The following UBE2O variants were observed in gnomAD, a reference collection of about 807,000 sequenced individuals.
The protein encoded by UBE2O is ubiquitin conjugating enzyme E2 O, also known as (E3-independent) E2 ubiquitin-conjugating enzyme.
A neutral mutation model predicts 125.8 loss-of-function variants in UBE2O; 15 were observed. That is an observed-to-expected ratio of 0.12 (90% CI 0.08 to 0.18). The LOEUF is 0.18. Among genes scored for constraint, UBE2O ranks in the 10% least tolerant of loss-of-function variants. The probability of loss-of-function intolerance (pLI) is 1.00; values close to 1 mark genes in which losing one functional copy is unlikely to be tolerated. For missense variants in UBE2O, 1,280 were observed against 1,723.6 expected (o/e 0.74, Z 4.56); for synonymous variants, 708 against 703.2 (o/e 1.01, Z -0.11).
At chr17:76,415,934 CGT>C (rs1358007226) in intron 1 of UBE2O, among the ~76,000 whole-genome samples, 1 of 131,270 alleles carries the variant, frequency 7.6e-6, no homozygotes, top group Non-Finnish European at 1.8e-5. Context: ...CACGTATATA[CGT>C]ATGCGTATAC....
Position 76,401,866 on chromosome 17 carries a change from T to C in UBE2O, c.750+198A>G, listed in dbSNP as rs1341258840. On this transcript the variant is annotated intron_variant, in intron 5 of 17. Coordinates refer to ENST00000319380, the MANE Select transcript of UBE2O (RefSeq NM_022066.4). ...ACTCCAGCCTGGGCGACAGTGAGAC[T>C]CTGTCTCAAAAAAAAAAAAAAAAAA... 1.1e-4 allele frequency: 45 copies of C among 419,630 alleles called. 1 individual carries two copies. The highest frequency in any genetic ancestry group is 1.8e-4 in the Admixed American group (4 of 22,058). 26.0% of individuals were successfully genotyped at this position (419,630 alleles called of 1,614,324 possible). A position where few individuals can be genotyped will look rare whatever the true frequency, so the allele number is the denominator to read the frequency against.
intron 1 of UBE2O, among the ~76,000 whole-genome samples, chr17:76,449,870 A>G (rs1352511405): frequency 6.6e-6 from 1 of 152,132 alleles, no homozygotes; most frequent in African/African-American, 2.4e-5. Flanking sequence ...CGGTGAGCCG[A>G]GCTGGCGCCA....
At chr17:76,449,506 T>C (rs886632569) in intron 1 of UBE2O, among the ~76,000 whole-genome samples, 7 of 150,262 alleles carry the variant, frequency 4.7e-5, no homozygotes, top group African/African-American at 1.2e-4. Context: ...ACCCGGGAAG[T>C]TGAGGTTGTA....
Position 76,404,787 on chromosome 17 carries a change from A to G in UBE2O, c.588+419T>C, listed in dbSNP as rs1469647720. Among the ~76,000 whole-genome samples the G allele has an allele frequency of 6.6e-6, 1 of 152,040 alleles. No individual in the cohort carries two copies. The highest frequency in any genetic ancestry group is 1.9e-4 in the East Asian group (1 of 5,194). On this transcript the variant is annotated intron_variant, in intron 3 of 17. Transcript: ENST00000319380. This position sits in a 1 kb window ranked among gnomAD's most constrained non-coding sequence, Gnocchi z 4.3. ...AGACCGGAGGGGGATCTCGGGGAAA[A>G]GGAGGGAGGGAAGGTGATGGAGCAA... is the stretch of plus-strand genomic sequence containing the variant.
intron 15 of UBE2O, among the ~76,000 whole-genome samples, chr17:76,394,599 T>G (rs1415612955): frequency 6.6e-6 from 1 of 152,196 alleles, no homozygotes; most frequent in Non-Finnish European, 1.5e-5. Flanking sequence ...CAAAATATTA[T>G]GTACTTATGG....
intron 1 of UBE2O, among the ~76,000 whole-genome samples, chr17:76,434,176 G>A (rs978252315): frequency 6.6e-6 from 1 of 152,146 alleles, no homozygotes; most frequent in African/African-American, 2.4e-5. Context: ...GGGCTCCAGC[G>A]AAATGACCCC....
In UBE2O at chr17:76,452,896, G is replaced by A. The variant is rs2073280879; in HGVS notation, c.246C>T (p.Ile82=). The change falls in exon 1 of 18, where the codon ATC becomes ATT. Residue 82 remains isoleucine (I), a synonymous_variant. Transcript: ENST00000319380. The surrounding 1 kb of genome is among the most constrained non-coding windows in gnomAD (Gnocchi z 4.4). ...GSVHFGLVRL[I]HGEDSDSEGE... is the part of the protein sequence containing the mutation. ...CCTCCGAGTCCGAGTCCTCGCCGTG[G>A]ATGAGGCGCACCAGCCCGAAGTGCA... 3 of 1,497,924 alleles carry A rather than the reference G, an allele frequency of 2.0e-6. No homozygotes were observed. Among genetic ancestry groups the A allele is most frequent in the Non-Finnish European group, 2.7e-6 (3 of 1,122,798 alleles). 92.8% of individuals were successfully genotyped at this position (1,497,924 alleles called of 1,614,324 possible).
intron 1 of UBE2O, among the ~76,000 whole-genome samples, chr17:76,436,789 A>G (rs1365760193): frequency 6.6e-6 from 1 of 152,198 alleles, no homozygotes; most frequent in Non-Finnish European, 1.5e-5. Context: ...GCCTCTTAGG[A>G]CAGAGTATAA....
At chr17:76,427,925 T>C (rs141583518) in intron 1 of UBE2O, among the ~76,000 whole-genome samples, 1 of 152,334 alleles carries the variant, frequency 6.6e-6, no homozygotes, top group East Asian at 1.9e-4. Flanking sequence ...ACCTCTATTA[T>C]TGTTAGGGTC....
intron 1 of UBE2O, among the ~76,000 whole-genome samples, chr17:76,412,933 G>A (rs1253171132): frequency 1.3e-5 from 2 of 152,124 alleles, no homozygotes; most frequent in African/African-American, 2.4e-5. Context: ...GTTTGAACCC[G>A]GGAGGCGGAG....
chr17:76,421,938 T>TC (rs772333604), intron 1 of UBE2O, among the ~76,000 whole-genome samples: 7 of 152,098 alleles, frequency 4.6e-5, no homozygotes, highest in Non-Finnish European at 8.8e-5. Flanking sequence ...ACCCATCCCC[T>TC]CTCCAATGGA....
chr17:76,449,775 C>T (rs930615013), intron 1 of UBE2O, among the ~76,000 whole-genome samples: 1 of 151,898 alleles, frequency 6.6e-6, no homozygotes, highest in Non-Finnish European at 1.5e-5. Flanking sequence ...AAAAAATTAG[C>T]CGGGCGTGAT....
intron 1 of UBE2O, among the ~76,000 whole-genome samples, chr17:76,407,957 A>C (rs1212566901): frequency 1.3e-5 from 2 of 152,074 alleles, no homozygotes; most frequent in Non-Finnish European, 2.9e-5. Context: ...GGGCTGGGGG[A>C]TGGTAACATG....
rs1345629686 is a variant in UBE2O at position 76,397,855 on chromosome 17, T to C, written c.2059A>G (p.Ser687Gly). 1 of 1,614,064 alleles carries C rather than the reference T, an allele frequency of 6.2e-7. No homozygotes were observed. The highest frequency in any genetic ancestry group is 1.3e-5 in the African/African-American group (1 of 74,954). ...SVGQVARVDV[S>G]SKVEVVWADN... ...GCCCACACCACCTCCACCTTGCTGCTGACGTCCACACGGGCCACCTGGCCC... is the reference window on the plus strand; with the variant it reads ...GCCCACACCACCTCCACCTTGCTGCCGACGTCCACACGGGCCACCTGGCCC... The change falls in exon 13 of 18, where the codon AGC becomes GGC. Residue 687 changes from serine to glycine, a missense_variant. Physicochemically the swap from Ser to Gly is moderately conservative, Grantham distance 56. Around this residue, in one of 10 missense-constraint regions of UBE2O, gnomAD observed 210 missense variants for 268.9 expected, o/e 0.78. Coordinates refer to ENST00000319380, the MANE Select transcript of UBE2O (RefSeq NM_022066.4).
chr17:76,429,626 G>T (rs569059174), intron 1 of UBE2O, among the ~76,000 whole-genome samples: 3 of 152,030 alleles, frequency 2.0e-5, no homozygotes, highest in Non-Finnish European at 4.4e-5. Context: ...CAAGGCTCTG[G>T]ACAGGTGAGG....
chr17:76,396,653 G>T lies in UBE2O; in HGVS notation c.2284C>A (p.Pro762Thr). 6.2e-7 allele frequency: 1 copy of T among 1,613,598 alleles called. No individual in the cohort carries two copies. The change falls in exon 14 of 18, where the codon CCC becomes ACC. Residue 762 changes from proline to threonine, a missense_variant. By Grantham distance (38) the Pro-to-Thr change is conservative. This residue lies in a region of UBE2O where 210 missense variants were observed against 268.9 expected (regional missense o/e 0.78). Coordinates refer to ENST00000319380, the MANE Select transcript of UBE2O (RefSeq NM_022066.4). This position sits in a 1 kb window ranked among gnomAD's most constrained non-coding sequence, Gnocchi z 6.7. ...HPKIEEPPIP[P>T]LEQPVAPEDK... is the part of the protein sequence containing the mutation. Reference sequence around the variant, plus strand: ...TCAGGGGCCACCGGCTGCTCCAGGGGTGGGATGGGGGGCTCCTCTATCTTG... The same window carrying T: ...TCAGGGGCCACCGGCTGCTCCAGGGTTGGGATGGGGGGCTCCTCTATCTTG...
Position 76,400,890 on chromosome 17 carries a change from C to A in UBE2O, c.894+121G>T. The A allele has an allele frequency of 8.1e-7, 1 of 1,234,954 alleles. No homozygotes were observed. Among genetic ancestry groups the A allele is most frequent in the Non-Finnish European group, 1.1e-6 (1 of 898,312 alleles). The allele number at this position is 1,234,954 out of a possible 1,614,324, so 76.5% of individuals were successfully genotyped here. On this transcript the variant is annotated intron_variant, in intron 6 of 17. Coordinates refer to ENST00000319380, the MANE Select transcript of UBE2O (RefSeq NM_022066.4). The surrounding 1 kb of genome is among the most constrained non-coding windows in gnomAD (Gnocchi z 4.3). The stretch of plus-strand genomic sequence containing the variant: ...TATCCCCAAAGCCCTTTGAGATCAA[C>A]AGGGTCCAGATGCTGAGGAGCGGGG...
intron 13 of UBE2O, 120 bp downstream of exon 13, chr17:76,397,679 G>A (rs1372365438): frequency 2.7e-5 from 27 of 987,514 alleles, no homozygotes; most frequent in Admixed American, 7.5e-5. Flanking sequence ...TTCCCCTCAC[G>A]CTTTCGCTGA....
chr17:76,408,718 C>T (rs1355288528), intron 1 of UBE2O, among the ~76,000 whole-genome samples: 2 of 152,218 alleles, frequency 1.3e-5, no homozygotes, highest in Non-Finnish European at 2.9e-5. Context: ...GAGCAAATGA[C>T]AGGTGCCAGC....
Sources: allele counts gnomAD v4.1 joint callset (sites outside exome capture counted in the v4.1 genomes callset), GRCh38; gene constraint gnomAD v4.1.1; regional missense constraint gnomAD v4.1.1; non-coding constraint Gnocchi (gnomAD v3.1); transcripts MANE v1.5; gene names NCBI Gene and HGNC (gene_info 2026-07-23, HGNC 2026-07-21).